Variants in NBEA observed in about 807,000 individuals in gnomAD.
The protein encoded by NBEA is neurobeachin, also known as lysosomal-trafficking regulator 2.
NBEA carries 44 observed loss-of-function variants against 343.4 expected under a neutral mutation model. That is an observed-to-expected ratio of 0.13 (90% CI 0.10 to 0.16). NBEA has a LOEUF of 0.16. Ranked by LOEUF, NBEA falls within the 10% of genes least tolerant of loss-of-function variation. The probability of loss-of-function intolerance (pLI) is 1.00; values close to 1 mark genes in which losing one functional copy is unlikely to be tolerated. For missense variants in NBEA, 2,555 were observed against 3,631.3 expected (o/e 0.70, Z 7.62); for synonymous variants, 1,175 against 1,238.7 (o/e 0.95, Z 1.08).
Position 35,206,150 on chromosome 13 carries a change from G to A in NBEA, c.5367-2550G>A, listed in dbSNP as rs74048946. ...TTTTACTTATAAGTCATAATTATGGGATTTAGAGATTTTTTTTCTCTCGGT... is the reference window on the plus strand; with the variant it reads ...TTTTACTTATAAGTCATAATTATGGAATTTAGAGATTTTTTTTCTCTCGGT... On this transcript the variant is annotated intron_variant, in intron 31 of 58. Transcript: ENST00000379939. 9.7e-3 allele frequency among the ~76,000 whole-genome samples: 1,481 copies of A among 151,996 alleles called. 19 individuals carry two copies. Among genetic ancestry groups the A allele is most frequent in the African/African-American group, 0.034 (1,427 of 41,448 alleles).
chr13:35,243,981 A>C (rs1304095703), intron 34 of NBEA, among the ~76,000 whole-genome samples: 1 of 151,938 alleles, frequency 6.6e-6, no homozygotes, highest in Non-Finnish European at 1.5e-5. Flanking sequence ...CCTCTAGGTT[A>C]GACCATATGT....
chr13:35,495,129 C>A (rs905378210), intron 41 of NBEA, among the ~76,000 whole-genome samples: 1 of 151,860 alleles, frequency 6.6e-6, no homozygotes, highest in Non-Finnish European at 1.5e-5. Context: ...TGTTTTGACC[C>A]AGTTTAGGTT....
chr13:35,275,567 A>C (rs946266777), intron 34 of NBEA, among the ~76,000 whole-genome samples: 18 of 152,242 alleles, frequency 1.2e-4, no homozygotes, highest in Admixed American at 8.5e-4. Flanking sequence ...GTGAACAGGC[A>C]ACCTACAGAA....
chr13:35,592,389 AG>A (rs1320609362), intron 46 of NBEA, among the ~76,000 whole-genome samples: 1 of 152,136 alleles, frequency 6.6e-6, no homozygotes, highest in Admixed American at 6.6e-5. Flanking sequence ...ACCTACTCAT[AG>A]TGGGGAATAT....
intron 33 of NBEA, among the ~76,000 whole-genome samples, chr13:35,229,236 T>C (rs941784432): frequency 7.2e-5 from 11 of 152,076 alleles, no homozygotes; most frequent in Admixed American, 2.6e-4. Context: ...CTCACCATGT[T>C]GCTCAGGCTG....
intron 36 of NBEA, among the ~76,000 whole-genome samples, chr13:35,345,235 T>C (rs907724397): frequency 6.6e-6 from 1 of 152,030 alleles, no homozygotes; most frequent in African/African-American, 2.4e-5. Context: ...AAATTAAGAA[T>C]AGAAGAGAAT....
chr13:35,477,338 G>C (rs895420147), intron 41 of NBEA: 7 of 155,510 alleles, frequency 4.5e-5, no homozygotes, highest in Non-Finnish European at 1.5e-5. Flanking sequence ...ATTGCTGAGT[G>C]TGTGAGATGT....
chr13:35,454,648 C>T (rs1265612268), intron 40 of NBEA, among the ~76,000 whole-genome samples: 1 of 152,046 alleles, frequency 6.6e-6, no homozygotes. Flanking sequence ...ATCACAAGGT[C>T]AGGAGATGAA....
At chr13:35,365,101 A>G (rs1003665512) in intron 38 of NBEA, among the ~76,000 whole-genome samples, 1 of 151,760 alleles carries the variant, frequency 6.6e-6, no homozygotes, top group Non-Finnish European at 1.5e-5. Flanking sequence ...AGAAACCTCT[A>G]TGAGCCAGTT....
Position 34,980,665 on chromosome 13 carries a change from A to G in NBEA, c.294+37551A>G, listed in dbSNP as rs564353504. ...TTGAATGTCGGTGATGAAAATGAGC[A>G]TCCTTAGGTTGTTAAGGATATTAGG... On this transcript the variant is annotated intron_variant, in intron 1 of 58. Transcript: ENST00000379939. Among the ~76,000 whole-genome samples, 3 of 152,104 alleles carry G rather than the reference A, an allele frequency of 2.0e-5. No individual in the cohort carries two copies. The East Asian group carries it at 5.8e-4, about 29-fold the overall frequency.
chr13:35,006,100 T>C (rs1385029485), intron 1 of NBEA, among the ~76,000 whole-genome samples: 1 of 152,154 alleles, frequency 6.6e-6, no homozygotes, highest in Non-Finnish European at 1.5e-5. Context: ...AATTGGAGGG[T>C]CTAGTCTCTT....
chr13:35,416,414 G>A (rs940406647), intron 38 of NBEA, among the ~76,000 whole-genome samples: 20 of 152,144 alleles, frequency 1.3e-4, no homozygotes, highest in Admixed American at 9.8e-4. Context: ...TTTGAGACAC[G>A]TCCCATCAAT....
chr13:34,992,812 A>G (rs2060807549), intron 1 of NBEA, among the ~76,000 whole-genome samples: 1 of 148,012 alleles, frequency 6.8e-6, no homozygotes, highest in Non-Finnish European at 1.5e-5. Context: ...AGCTGGGACT[A>G]CAGGCCCCCG....
chr13:35,027,523 A>G (rs73167739), intron 1 of NBEA, among the ~76,000 whole-genome samples: 2,672 of 151,800 alleles, frequency 0.018, 28 homozygotes, highest in Middle Eastern at 0.034. Context: ...TTTTCTGCCC[A>G]TTTTCTGATT....
chr13:34,950,370 T>A (rs1449224751), intron 1 of NBEA, among the ~76,000 whole-genome samples: 1 of 152,178 alleles, frequency 6.6e-6, no homozygotes, highest in Non-Finnish European at 1.5e-5. Context: ...CATACATTGC[T>A]GATGGCAGCT....
In NBEA at chr13:35,169,593, A is replaced by T. The variant is rs9573342; in HGVS notation, c.4242+598A>T. On this transcript the variant is annotated intron_variant, in intron 25 of 58. Coordinates refer to ENST00000379939, the MANE Select transcript of NBEA (RefSeq NM_001385012.1). ...ACCATTAAATAATGAATATAGAGAG[A>T]TAGCTATCTGCAATTTCAGTGATTC... Among the ~76,000 whole-genome samples the T allele has an allele frequency of 1.5e-3, 223 of 151,786 alleles. 2 individuals are homozygous for T. The East Asian group carries it at 0.031, about 21-fold the overall frequency.
At chr13:35,323,365 C>A (rs984083659) in intron 36 of NBEA, among the ~76,000 whole-genome samples, 4 of 151,802 alleles carry the variant, frequency 2.6e-5, no homozygotes, top group Non-Finnish European at 5.9e-5. Context: ...ACTTATACAC[C>A]ATGGAATACT....
At chr13:35,497,350 C>A (rs2076721715) in intron 41 of NBEA, among the ~76,000 whole-genome samples, 1 of 151,998 alleles carries the variant, frequency 6.6e-6, no homozygotes, top group Non-Finnish European at 1.5e-5. Context: ...GTTTTTGTTA[C>A]TGGAGAGTGG....
At chr13:35,207,940 T>G (rs1218082695) in intron 31 of NBEA, among the ~76,000 whole-genome samples, 1 of 152,052 alleles carries the variant, frequency 6.6e-6, no homozygotes, top group Non-Finnish European at 1.5e-5. Flanking sequence ...GCATTTAAAG[T>G]CTGGGCACGG....
Sources: gnomAD v4.1 joint callset for allele counts (sites outside exome capture counted in the v4.1 genomes callset) on GRCh38, gnomAD v4.1.1 for gene constraint, MANE v1.5 for transcripts, NCBI Gene and HGNC (gene_info 2026-07-23, HGNC 2026-07-21) for gene names.